The following OR2C1 variants were observed in gnomAD, a reference collection of about 807,000 sequenced individuals.
OR2C1 encodes olfactory receptor family 2 subfamily C member 1, also known as olfactory receptor 2C1.
For synonymous variants in OR2C1, 209 were observed against 167.3 expected (o/e 1.25, Z -1.92); for missense variants, 468 against 388.3 (o/e 1.21, Z -1.73).
chr16:3,331,976 A>G, the OR2C1 span, among the ~76,000 whole-genome samples: 1 of 151,760 alleles, frequency 6.6e-6, no homozygotes, highest in East Asian at 2.0e-4. Flanking sequence ...TATCATAAGA[A>G]CAAAAAACCA....
chr16:3,340,746 C>T, the OR2C1 span, among the ~76,000 whole-genome samples: 3 of 152,094 alleles, frequency 2.0e-5, no homozygotes, highest in Admixed American at 2.0e-4. Context: ...AATAAGTTGT[C>T]CATAGGGGGT....
At chr16:3,330,862 C>T in the OR2C1 span, among the ~76,000 whole-genome samples, 79 of 152,278 alleles carry the variant, frequency 5.2e-4, no homozygotes, top group Admixed American at 1.6e-3. Flanking sequence ...CTGCCTCAAC[C>T]TCCTGAGTGG....
the OR2C1 span, among the ~76,000 whole-genome samples, chr16:3,344,165 G>A: frequency 6.6e-6 from 1 of 151,974 alleles, no homozygotes; most frequent in East Asian, 1.9e-4. Context: ...AGGTTTCAGT[G>A]AGCCGAGATC....
chr16:3,348,495 C>A, the OR2C1 span, among the ~76,000 whole-genome samples: 7 of 152,246 alleles, frequency 4.6e-5, no homozygotes, highest in East Asian at 3.9e-4. Context: ...AATAATAACC[C>A]CTGCCTGGTG....
chr16:3,328,977 T>G, the OR2C1 span, among the ~76,000 whole-genome samples: 1 of 150,666 alleles, frequency 6.6e-6, no homozygotes, highest in African/African-American at 2.5e-5. Context: ...AACAGTTGGG[T>G]GGACTAGGAA....
the OR2C1 span, among the ~76,000 whole-genome samples, chr16:3,337,742 C>T: frequency 3.9e-5 from 6 of 152,032 alleles, no homozygotes; most frequent in South Asian, 2.1e-4. Flanking sequence ...TTGTTAGGGA[C>T]GGTCCTGGTC....
chr16:3,342,773 A>AG, the OR2C1 span, among the ~76,000 whole-genome samples: 3 of 151,992 alleles, frequency 2.0e-5, no homozygotes, highest in Non-Finnish European at 4.4e-5. Flanking sequence ...GTTACTCGGG[A>AG]GGCTGAGGCA....
chr16:3,323,228 A>G, the OR2C1 span: 4 of 757,924 alleles, frequency 5.3e-6, no homozygotes, highest in Admixed American at 1.8e-5. Flanking sequence ...ATTCACCCCA[A>G]TAGCCAGATG....
the OR2C1 span, among the ~76,000 whole-genome samples, chr16:3,347,852 GCACACACGCGCACA>G: frequency 5.6e-4 from 5 of 8,910 alleles, no homozygotes; most frequent in Non-Finnish European, 1.2e-3. Context: ...ACATGCACAC[GCACACACGCGCACA>G]CACACACGCA....
chr16:3,340,183 GT>G, the OR2C1 span, among the ~76,000 whole-genome samples: 1 of 152,030 alleles, frequency 6.6e-6, no homozygotes, highest in Admixed American at 6.6e-5. Flanking sequence ...GGAGGCTGAG[GT>G]GGGAGAATTG....
At chr16:3,344,834 G>C in the OR2C1 span, among the ~76,000 whole-genome samples, 1 of 152,038 alleles carries the variant, frequency 6.6e-6, no homozygotes, top group African/African-American at 2.4e-5. Context: ...AACCCCTTTG[G>C]GACAGTCTGT....
chr16:3,324,730 G>T, the OR2C1 span, among the ~76,000 whole-genome samples: 1 of 151,948 alleles, frequency 6.6e-6, no homozygotes, highest in Non-Finnish European at 1.5e-5. Flanking sequence ...GGGACTGCAG[G>T]TGCATGCCAT....
chr16:3,342,383 A>G, the OR2C1 span, among the ~76,000 whole-genome samples: 2 of 152,220 alleles, frequency 1.3e-5, no homozygotes, highest in African/African-American at 4.8e-5. Context: ...AATATTTGTG[A>G]TGTCTGTAAC....
the OR2C1 span, among the ~76,000 whole-genome samples, chr16:3,337,272 A>G: frequency 1.3e-5 from 2 of 151,880 alleles, no homozygotes; most frequent in Admixed American, 6.6e-5. Context: ...CTTATGCCTC[A>G]GCCTCCCAAG....
chr16:3,325,463 ATATATATATATATATATAT>A, the OR2C1 span, among the ~76,000 whole-genome samples: 8,410 of 79,316 alleles, frequency 0.11, 956 homozygotes, highest in African/African-American at 0.26. Context: ...GTCTAAAAAT[ATATATATATATATATATAT>A]ATATATATAT....
chr16:3,343,873 A>T, the OR2C1 span, among the ~76,000 whole-genome samples: 177 of 152,338 alleles, frequency 1.2e-3, no homozygotes, highest in African/African-American at 3.3e-3. Flanking sequence ...AATTAGGGGG[A>T]AATATTTCTA....
At chr16:3,323,006 G>C in the OR2C1 span, 10 of 825,690 alleles carry the variant, frequency 1.2e-5, no homozygotes, top group Non-Finnish European at 1.5e-5. Flanking sequence ...ACTGGACTGT[G>C]ATGAGAGGTA....
At position 3,356,659 on chromosome 16, in the gene OR2C1, C is replaced by A. The variant is rs968967936; in HGVS notation, c.719C>A (p.Thr240Lys). The change falls in exon 1 of 1, where the codon ACG becomes AAG. Residue 240 changes from threonine (T) to lysine (K), a missense_variant. Coordinates refer to ENST00000304936, the MANE Select transcript of OR2C1 (RefSeq NM_012368.3). ...SAEGRRKAFN[T>K]CLSHLLVVFL... ...GAGGGGAGGCGAAAGGCGTTCAATA[C>A]GTGCCTCTCCCATCTGCTGGTGGTG... is the stretch of plus-strand genomic sequence containing the variant. The A allele has an allele frequency of 1.2e-6, 2 of 1,614,020 alleles. No individual in the cohort carries two copies. The highest frequency in any genetic ancestry group is 2.2e-5 in the South Asian group (2 of 91,078).
At chr16:3,333,207 GC>G in the OR2C1 span, among the ~76,000 whole-genome samples, 1 of 66,692 alleles carries the variant, frequency 1.5e-5, no homozygotes, top group African/African-American at 5.7e-5. Flanking sequence ...CGGATCTTTT[GC>G]CCATTTTTTT....
Sources: gnomAD v4.1 joint callset for allele counts (sites outside exome capture counted in the v4.1 genomes callset) on GRCh38, gnomAD v4.1.1 for gene constraint, MANE v1.5 for transcripts, NCBI Gene and HGNC (gene_info 2026-07-23, HGNC 2026-07-21) for gene names.